Variants in SMIM22 observed in about 807,000 individuals in gnomAD.
SMIM22 encodes the protein small integral membrane protein 22, also known as cancer associated small integral membrane open reading frame 1.
A neutral mutation model predicts 8.4 loss-of-function variants in SMIM22; 16 were observed. The ratio of observed to expected loss-of-function variants is 1.90; its 90% CI spans 1.29 to 2.89. The LOEUF is 2.89. Among genes scored for constraint, SMIM22 ranks in the 30% most tolerant of loss-of-function variants. SMIM22 has a pLI of 0.00. For missense variants in SMIM22, 159 were observed against 107.5 expected (o/e 1.48, Z -2.12); for synonymous variants, 67 against 47.6 (o/e 1.41, Z -1.68).
At chr16:4,794,875 A>G (rs763435439), upstream of SMIM22, 1 of 152,246 alleles carries the variant, frequency 6.6e-6, no homozygotes, top group Admixed American at 6.5e-5. Context: ...ATTAAGTATT[A>G]TAAGTAATCC....
At chr16:4,792,169 C>T (rs1423984445), upstream of SMIM22, among the ~76,000 whole-genome samples, 1 of 152,046 alleles carries the variant, frequency 6.6e-6, no homozygotes, top group Non-Finnish European at 1.5e-5. Context: ...AGAGCTGGAG[C>T]AGGGGCCACA....
chr16:4,791,879 G>A (rs147021703), upstream of SMIM22, among the ~76,000 whole-genome samples: 97 of 152,092 alleles, frequency 6.4e-4, no homozygotes, highest in African/African-American at 2.2e-3. Flanking sequence ...GTAGAGACGG[G>A]TTTCGCCATG....
At chr16:4,790,852 C>A (rs2082540358), upstream of SMIM22, among the ~76,000 whole-genome samples, 1 of 152,190 alleles carries the variant, frequency 6.6e-6, no homozygotes, top group South Asian at 2.1e-4. Context: ...TAAGGGTGGG[C>A]CAGGCAGGGC....
chr16:4,795,509 T>G, intron 1 of SMIM22, 60 bp downstream of exon 1: 1 of 583,930 alleles, frequency 1.7e-6, no homozygotes, highest in South Asian at 2.1e-5. Context: ...TGACAGTGGC[T>G]GGGGAGAAGG....
upstream of SMIM22, among the ~76,000 whole-genome samples, chr16:4,792,609 C>T (rs558618486): frequency 1.5e-4 from 22 of 151,374 alleles, no homozygotes; most frequent in African/African-American, 4.8e-4. Context: ...CAAGACCAGC[C>T]TGACCAACAT....
upstream of SMIM22, among the ~76,000 whole-genome samples, chr16:4,792,503 T>A (rs12918453): frequency 1 from 149,288 of 149,290 alleles, 74,643 homozygotes; most frequent in Middle Eastern, 1. Flanking sequence ...CCTGCACTTT[T>A]TAAATAGAAG....
chr16:4,795,592 G>C (rs2082624224), intron 1 of SMIM22, 123 bp from the exon 2 acceptor site: 1 of 1,212,144 alleles, frequency 8.2e-7, no homozygotes, highest in Admixed American at 2.6e-5. Flanking sequence ...AGTGGAGTGG[G>C]AGGGGGTGGG....
At position 4,795,790 on chromosome 16, in the gene SMIM22, TG is replaced by T; in HGVS notation, c.57del (p.Lys20ArgfsTer52). The T allele has an allele frequency of 6.5e-7, 1 of 1,535,970 alleles. No individual in the cohort carries two copies. Among genetic ancestry groups the T allele is most frequent in the African/African-American group, 1.4e-5 (1 of 73,128 alleles). ...ACGGTTCAGGAAGTCCTGGGGAGAC[TG>T]AAGAGCCACCAGTTTTTCCAGTCCA... ...EATVQEVLGR[L>X]KSHQFFQSTW... On this transcript the variant is annotated frameshift_variant, in exon 2 of 4. Coordinates refer to ENST00000586005, the MANE Select transcript of SMIM22 (RefSeq NM_001253794.2). LOFTEE classifies it high-confidence loss of function.
At chr16:4,790,192 G>C (rs530804889) in intron 2 of SMIM22, 3 of 152,268 alleles carry the variant, frequency 2.0e-5, no homozygotes, top group Admixed American at 6.6e-5. Flanking sequence ...ACCACACTCA[G>C]GCTGGCAAGT....
intron 2 of SMIM22, among the ~76,000 whole-genome samples, chr16:4,790,237 G>C (rs902289708): frequency 6.6e-6 from 1 of 152,146 alleles, no homozygotes; most frequent in African/African-American, 2.4e-5. Flanking sequence ...CCCTATTTTA[G>C]GCTTTGCTGG....
At chr16:4,793,269 C>T (rs916283254), upstream of SMIM22, among the ~76,000 whole-genome samples, 10 of 152,164 alleles carry the variant, frequency 6.6e-5, no homozygotes, top group Non-Finnish European at 1.3e-4. Flanking sequence ...GCCCTAGAAC[C>T]TTCAGGATGA....
upstream of SMIM22, among the ~76,000 whole-genome samples, chr16:4,794,178 G>A (rs1205336509): frequency 6.6e-6 from 1 of 152,140 alleles, no homozygotes; most frequent in African/African-American, 2.4e-5. Flanking sequence ...CGAGATCTCG[G>A]CTCACTGCAA....
At chr16:4,788,977 G>A (rs1377978037) in intron 2 of SMIM22, among the ~76,000 whole-genome samples, 2 of 152,134 alleles carry the variant, frequency 1.3e-5, no homozygotes, top group Non-Finnish European at 2.9e-5. Flanking sequence ...TCCAGACTGT[G>A]GTCCTCACCC....
chr16:4,792,475 C>A (rs373627382), upstream of SMIM22, among the ~76,000 whole-genome samples: 2 of 147,498 alleles, frequency 1.4e-5, no homozygotes, highest in Non-Finnish European at 3.0e-5. Flanking sequence ...CAGGCATGAG[C>A]CACCGCGCCT....
upstream of SMIM22, among the ~76,000 whole-genome samples, chr16:4,790,377 G>A (rs2082533572): frequency 6.6e-6 from 1 of 152,180 alleles, no homozygotes; most frequent in Non-Finnish European, 1.5e-5. Context: ...AGGTGGCCGT[G>A]GTTCCAGCTT....
chr16:4,795,649 G>A, intron 1 of SMIM22, 66 bp from the exon 2 acceptor site: 6 of 1,492,588 alleles, frequency 4.0e-6, no homozygotes, highest in Non-Finnish European at 5.3e-6. Flanking sequence ...GCTGTGGGAA[G>A]CCTGGATGTG....
chr16:4,791,468 G>A (rs375853057), upstream of SMIM22, among the ~76,000 whole-genome samples: 9 of 152,094 alleles, frequency 5.9e-5, no homozygotes, highest in African/African-American at 2.2e-4. Context: ...TCATCCTCAC[G>A]ACACTGGGAG....
upstream of SMIM22, among the ~76,000 whole-genome samples, chr16:4,792,392 G>C (rs535132678): frequency 2.7e-5 from 4 of 150,138 alleles, no homozygotes; most frequent in African/African-American, 4.9e-5. Flanking sequence ...GGGTTTCACC[G>C]TGTTAGCCAG....
chr16:4,794,023 C>A (rs2082594821), upstream of SMIM22, among the ~76,000 whole-genome samples: 1 of 152,192 alleles, frequency 6.6e-6, no homozygotes, highest in Non-Finnish European at 1.5e-5. Context: ...ACAGGCTCCG[C>A]CTCCTGGGTT....
Sources: allele counts gnomAD v4.1 joint callset (sites outside exome capture counted in the v4.1 genomes callset), GRCh38; gene constraint gnomAD v4.1.1; transcripts MANE v1.5; gene names NCBI Gene and HGNC (gene_info 2026-07-23, HGNC 2026-07-21).